NIBAN1: variants seen among roughly 807,000 people sequenced by gnomAD.
NIBAN1 encodes protein Niban 1.
A neutral mutation model predicts 75.1 loss-of-function variants in NIBAN1; 81 were observed. The ratio of observed to expected loss-of-function variants is 1.08; its 90% CI spans 0.90 to 1.30. The LOEUF (loss-of-function observed/expected upper bound fraction) is 1.30, where lower values mean the gene tolerates loss of function less well. Among genes scored for constraint, NIBAN1 ranks in the 50% most tolerant of loss-of-function variants. The pLI is 0.00. For synonymous variants in NIBAN1, 436 were observed against 424.8 expected, an observed-to-expected ratio of 1.03 and a Z score of -0.32; for missense variants, 1,133 against 1,128.1, an observed-to-expected ratio of 1.00 and a Z score of -0.06.
intron 5 of NIBAN1, among the ~76,000 whole-genome samples, chr1:184,864,064 G>C (rs895919484): frequency 4.6e-5 from 7 of 152,138 alleles, no homozygotes; most frequent in Non-Finnish European, 8.8e-5. Context: ...TTAGTTGTCA[G>C]GCTCTTTAAT....
At chr1:184,833,122 T>C (rs891336426) in intron 5 of NIBAN1, among the ~76,000 whole-genome samples, 2 of 151,680 alleles carry the variant, frequency 1.3e-5, no homozygotes, top group Non-Finnish European at 2.9e-5. Context: ...GCAGCTGATT[T>C]GGGGGGTGAG....
intron 5 of NIBAN1, among the ~76,000 whole-genome samples, chr1:184,870,402 T>C (rs1318830535): frequency 6.6e-6 from 1 of 152,232 alleles, no homozygotes; most frequent in East Asian, 1.9e-4. Flanking sequence ...ATTATTGTTA[T>C]GATTGATATG....
At chr1:184,968,765 C>T (rs1658863074) in intron 1 of NIBAN1, among the ~76,000 whole-genome samples, 1 of 150,346 alleles carries the variant, frequency 6.7e-6, no homozygotes, top group East Asian at 1.9e-4. Context: ...ACAATAAAAC[C>T]ACAATAACAC....
chr1:184,910,262 A>G (rs1474251750), intron 1 of NIBAN1, among the ~76,000 whole-genome samples: 1 of 152,154 alleles, frequency 6.6e-6, no homozygotes, highest in Non-Finnish European at 1.5e-5. Context: ...TAAGAAAGCA[A>G]CTTGAGTTCA....
rs190118239 is a variant in NIBAN1, at chr1:184,842,655, A to C, written c.602-10693T>G. Among the ~76,000 whole-genome samples, 387 of 151,718 alleles carry C rather than the reference A, an allele frequency of 2.6e-3. 1 individual carries two copies. The highest frequency in any genetic ancestry group is 9.0e-3 in the African/African-American group (373 of 41,342). On this transcript the variant is annotated intron_variant, in intron 5 of 13. Coordinates refer to ENST00000367511, the MANE Select transcript of NIBAN1 (RefSeq NM_052966.4). Reference sequence around the variant, plus strand: ...GTAATCCTAGCTACTCTAGAAGCTGAGGCAGGAGAATCACTTGAACCCGGG... The same window carrying C: ...GTAATCCTAGCTACTCTAGAAGCTGCGGCAGGAGAATCACTTGAACCCGGG...
chr1:184,903,225 A>C (rs945188343), intron 1 of NIBAN1, among the ~76,000 whole-genome samples: 1 of 152,246 alleles, frequency 6.6e-6, no homozygotes, highest in African/African-American at 2.4e-5. Flanking sequence ...ACATTTTGAT[A>C]TACCACCATT....
At chr1:184,860,331 A>C (rs1655785487) in intron 5 of NIBAN1, among the ~76,000 whole-genome samples, 1 of 152,202 alleles carries the variant, frequency 6.6e-6, no homozygotes, top group Admixed American at 6.5e-5. Context: ...AGTAAAACAA[A>C]AATTAATTTT....
chr1:184,950,017 A>G (rs544367082), intron 1 of NIBAN1, among the ~76,000 whole-genome samples: 3 of 152,310 alleles, frequency 2.0e-5, no homozygotes, highest in East Asian at 1.9e-4. Context: ...AGATAATTCC[A>G]TCAAATGTTT....
At chr1:184,917,284 A>G (rs919102782) in intron 1 of NIBAN1, among the ~76,000 whole-genome samples, 7 of 149,102 alleles carry the variant, frequency 4.7e-5, no homozygotes, top group Admixed American at 4.0e-4. Flanking sequence ...AGCTCATTGC[A>G]AGCTCCACCT....
At chr1:184,833,864 T>C (rs1655064058) in intron 5 of NIBAN1, among the ~76,000 whole-genome samples, 1 of 152,060 alleles carries the variant, frequency 6.6e-6, no homozygotes, top group Admixed American at 6.5e-5. Context: ...TTCTTTTTTT[T>C]TTTTTCGATT....
At chr1:184,898,805 A>G (rs1656872225) in intron 2 of NIBAN1, among the ~76,000 whole-genome samples, 2 of 152,174 alleles carry the variant, frequency 1.3e-5, no homozygotes, top group Admixed American at 1.3e-4. Context: ...ACATTTGTCG[A>G]GGTGGTGGTT....
chr1:184,857,841 G>C (rs1394835871), intron 5 of NIBAN1, among the ~76,000 whole-genome samples: 1 of 151,790 alleles, frequency 6.6e-6, no homozygotes, highest in Non-Finnish European at 1.5e-5. Context: ...TGGCGCAACT[G>C]ATTTTCCATT....
intron 5 of NIBAN1, among the ~76,000 whole-genome samples, chr1:184,837,023 G>A (rs1254368403): frequency 6.6e-6 from 1 of 152,192 alleles, no homozygotes; most frequent in African/African-American, 2.4e-5. Flanking sequence ...ATAACACTGT[G>A]CTGCAATGGT....
intron 10 of NIBAN1, among the ~76,000 whole-genome samples, chr1:184,807,036 C>T (rs1470432276): frequency 3.3e-5 from 5 of 152,186 alleles, no homozygotes; most frequent in Admixed American, 3.3e-4. Flanking sequence ...TCCCAAAATG[C>T]TGGGATTACA....
At chr1:184,855,648 A>G (rs1223678290) in intron 5 of NIBAN1, among the ~76,000 whole-genome samples, 2 of 152,166 alleles carry the variant, frequency 1.3e-5, no homozygotes, top group Non-Finnish European at 2.9e-5. Flanking sequence ...AGCACTTGCT[A>G]CATTCTGTCA....
At chr1:184,925,217 G>T (rs1657652262) in intron 1 of NIBAN1, among the ~76,000 whole-genome samples, 1 of 151,822 alleles carries the variant, frequency 6.6e-6, no homozygotes, top group South Asian at 2.1e-4. Context: ...TCTGATATAG[G>T]TATAGTTTAC....
intron 1 of NIBAN1, among the ~76,000 whole-genome samples, chr1:184,953,065 G>T (rs1386052174): frequency 6.6e-6 from 1 of 152,208 alleles, no homozygotes. Flanking sequence ...TTTGACTTTA[G>T]GTTGCAGAAG....
chr1:184,833,254 G>A (rs1475824077), intron 5 of NIBAN1, among the ~76,000 whole-genome samples: 1 of 150,154 alleles, frequency 6.7e-6, no homozygotes, highest in East Asian at 1.9e-4. Context: ...TCAATTAATA[G>A]GTGGTAGATG....
chr1:184,935,416 G>A (rs534880762), intron 1 of NIBAN1, among the ~76,000 whole-genome samples: 9 of 152,176 alleles, frequency 5.9e-5, no homozygotes, highest in African/African-American at 2.2e-4. Flanking sequence ...GCCAAGGTGC[G>A]AAGATCACTT....
Sources: gnomAD v4.1 joint callset for allele counts (sites outside exome capture counted in the v4.1 genomes callset) on GRCh38, gnomAD v4.1.1 for gene constraint, MANE v1.5 for transcripts, NCBI Gene and HGNC (gene_info 2026-07-23, HGNC 2026-07-21) for gene names.